Variants in DTX3L observed in about 807,000 individuals in gnomAD.
DTX3L encodes the protein E3 ubiquitin-protein ligase DTX3L.
A neutral mutation model predicts 60.9 loss-of-function variants in DTX3L; 34 were observed. The observed-to-expected ratio is 0.56, with a 90% CI of 0.42 to 0.74. The LOEUF (loss-of-function observed/expected upper bound fraction) is 0.74. Among genes scored for constraint, DTX3L ranks in the 30% least tolerant of loss-of-function variants. DTX3L has a pLI of 0.00. For synonymous variants in DTX3L, 290 were observed against 316.6 expected (o/e 0.92, Z 0.89); for missense variants, 810 against 874.0 (o/e 0.93, Z 0.92).
Position 122,569,378 on chromosome 3 carries a change from C to G in DTX3L, c.1289C>G (p.Ser430Cys), listed in dbSNP as rs1230413324. 6.2e-7 allele frequency: 1 copy of G among 1,614,018 alleles called. No individual in the cohort carries two copies. The highest frequency in any genetic ancestry group is 8.5e-7 in the Non-Finnish European group (1 of 1,180,036). ...TCCAAGGACAGGCAGGTAGATCTAT[C>G]TGTGCATGCTTATGCAAGTTTCATC... Reference protein sequence around the residue: ...FESKDRQVDLSVHAYASFIDA... With the variant: ...FESKDRQVDLCVHAYASFIDA... The change falls in exon 3 of 5, where the codon TCT becomes TGT. Residue 430 changes from serine (S) to cysteine (C), a missense_variant. Physicochemically the swap from Ser to Cys is moderately radical, Grantham distance 112. Transcript: ENST00000296161.
At position 122,569,840 on chromosome 3, in the gene DTX3L, C is replaced by G; in HGVS notation, c.1751C>G (p.Pro584Arg). The stretch of plus-strand genomic sequence containing the variant: ...AAGTGCAAGCATGAATTCTGCGCCC[C>G]TTGTATCAACAAAGCCATGTCATAT... Reference protein sequence around the residue: ...LPKCKHEFCAPCINKAMSYKP... With the variant: ...LPKCKHEFCARCINKAMSYKP... The change falls in exon 3 of 5, where the codon CCT becomes CGT. Residue 584 changes from proline to arginine, a missense_variant. Physicochemically the swap from Pro to Arg is moderately radical, Grantham distance 103. Transcript: ENST00000296161. 6.2e-7 allele frequency: 1 copy of G among 1,614,142 alleles called. No homozygotes were observed. Among genetic ancestry groups the G allele is most frequent in the Non-Finnish European group, 8.5e-7 (1 of 1,180,040 alleles).
chr3:122,567,856 G>C (rs1210286431), intron 2 of DTX3L, among the ~76,000 whole-genome samples: 1 of 152,184 alleles, frequency 6.6e-6, no homozygotes, highest in African/African-American at 2.4e-5. Context: ...GGAGCTTTTA[G>C]AAATGCTCAT....
rs1331248857 is a variant in DTX3L, at chr3:122,568,940, C to G, written c.851C>G (p.Ser284Ter). 1.2e-6 allele frequency: 2 copies of G among 1,614,086 alleles called. No homozygotes were observed. The highest frequency in any genetic ancestry group is 1.7e-6 in the Non-Finnish European group (2 of 1,180,028). ...MVCLDFTSSR[S>*]GDLEAARESF... is the part of the protein sequence containing the mutation. ...TGTTTAGATTTCACCTCAAGTCGATCAGGTGACCTGGAAGCAGCTCGTGAG... is the reference window on the plus strand; with the variant it reads ...TGTTTAGATTTCACCTCAAGTCGATGAGGTGACCTGGAAGCAGCTCGTGAG... The change falls in exon 3 of 5, where the codon TCA becomes TGA. Residue 284 changes from serine to a stop codon, truncating the protein, a stop_gained. Coordinates refer to ENST00000296161, the MANE Select transcript of DTX3L (RefSeq NM_138287.3). LOFTEE classifies it high-confidence loss of function.
At chr3:122,568,387 G>A (rs1418673539) in intron 2 of DTX3L, 102 bp from the exon 3 acceptor site, 2 of 675,764 alleles carry the variant, frequency 3.0e-6, no homozygotes, top group Non-Finnish European at 4.3e-6. Context: ...TGGGAAAGAT[G>A]TAGTGGTTGT....
Position 122,568,755 on chromosome 3 carries a change from T to C in DTX3L, c.666T>C (p.Pro222=). The change falls in exon 3 of 5, where the codon CCT becomes CCC. Residue 222 remains proline (P), a synonymous_variant. Transcript: ENST00000296161. ...SQQERDSCIS[P]SEPETKAEQK... ...AGGAGAGGGACAGCTGCATTTCTCC[T>C]TCTGAACCAGAAACCAAGGCAGAAC... 6.2e-7 allele frequency: 1 copy of C among 1,614,178 alleles called. No individual in the cohort carries two copies.
At position 122,568,909 on chromosome 3, in the gene DTX3L, A is replaced by G; in HGVS notation, c.820A>G (p.Met274Val). The G allele has an allele frequency of 1.2e-6, 2 of 1,614,122 alleles. No homozygotes were observed. Among genetic ancestry groups the G allele is most frequent in the South Asian group, 1.1e-5 (1 of 91,088 alleles). ...NIEIQESSPNMVCLDFTSSRS... is the reference protein window; with the variant it reads ...NIEIQESSPNVVCLDFTSSRS... ...TGAAATCCAGGAGAGTTCTCCAAAT[A>G]TGGTCTGTTTAGATTTCACCTCAAG... The change falls in exon 3 of 5, where the codon ATG becomes GTG. Residue 274 changes from methionine (M) to valine (V), a missense_variant. Physicochemically the swap from Met to Val is conservative, Grantham distance 21. Coordinates refer to ENST00000296161, the MANE Select transcript of DTX3L (RefSeq NM_138287.3).
chr3:122,570,499 A>T lies in DTX3L; in HGVS notation c.1980A>T (p.Arg660=), dbSNP rs1399474990. The change falls in exon 4 of 5, where the codon CGA becomes CGT. Residue 660 remains arginine (R), a synonymous_variant. Transcript: ENST00000296161. ...GAAAGAGATACCCTGGAATACAGCG[A>T]ACTGCATACTTGCCTGATAATAAGG... ...NPGKRYPGIQ[R]TAYLPDNKEG... is the part of the protein sequence containing the mutation. 1 of 1,614,174 alleles carries T rather than the reference A, an allele frequency of 6.2e-7. No individual in the cohort carries two copies. The highest frequency in any genetic ancestry group is 1.1e-5 in the South Asian group (1 of 91,084).
At chr3:122,570,103 T>C in intron 3 of DTX3L, 79 bp downstream of exon 3, 1 of 1,434,812 alleles carries the variant, frequency 7.0e-7, no homozygotes, top group Non-Finnish European at 9.7e-7. Flanking sequence ...CTGTTGCCTA[T>C]TAGACAATAG....
chr3:122,571,261 C>T (rs111348633), intron 4 of DTX3L, among the ~76,000 whole-genome samples: 3 of 152,032 alleles, frequency 2.0e-5, no homozygotes, highest in African/African-American at 7.2e-5. Context: ...CGATGCCCCC[C>T]TAAAACACAG....
intron 2 of DTX3L, among the ~76,000 whole-genome samples, chr3:122,566,482 T>G (rs2080592501): frequency 6.6e-6 from 1 of 151,594 alleles, no homozygotes; most frequent in African/African-American, 2.4e-5. Flanking sequence ...TCCTCTCACC[T>G]CAGTCTCCTG....
Position 122,567,755 on chromosome 3 carries a change from C to T in DTX3L, c.400-734C>T, listed in dbSNP as rs528006643. 2.0e-5 allele frequency among the ~76,000 whole-genome samples: 3 copies of T among 152,328 alleles called. No homozygotes were observed. In the East Asian group the frequency reaches 5.8e-4, roughly 29 times the overall value. The stretch of plus-strand genomic sequence containing the variant: ...CAAACTTTTGTGAGGGCCACAACAA[C>T]TTGCCCAGAGAGCACAGGTGCCTTC... On this transcript the variant is annotated intron_variant, in intron 2 of 4. Transcript: ENST00000296161.
rs577869024 is a variant in DTX3L, at chr3:122,570,306, G to A, written c.1936-149G>A. On this transcript the variant is annotated intron_variant, in intron 3 of 4. Transcript: ENST00000296161. ...TTTCCAGCATGAATTCAAGGAAAGAGGAGAAATATGAGTTATTGGGAATAT... is the reference window on the plus strand; with the variant it reads ...TTTCCAGCATGAATTCAAGGAAAGAAGAGAAATATGAGTTATTGGGAATAT... 6.2e-4 allele frequency: 528 copies of A among 844,862 alleles called. 8 individuals carry two copies. In the South Asian group the frequency reaches 8.8e-3, roughly 14 times the overall value. The allele number at this position is 844,862 out of a possible 1,614,324, so 52.3% of individuals were successfully genotyped here. A position where few individuals can be genotyped will look rare whatever the true frequency, so the allele number is the denominator to read the frequency against.
chr3:122,564,487 C>A lies in DTX3L; in HGVS notation c.61C>A (p.Arg21=), dbSNP rs1338346367. The A allele has an allele frequency of 6.2e-7, 1 of 1,612,848 alleles. No homozygotes were observed. The highest frequency in any genetic ancestry group is 2.2e-5 in the East Asian group (1 of 44,704). The change falls in exon 1 of 5, where the codon CGA becomes AGA. Residue 21 remains arginine (R), a synonymous_variant. Transcript: ENST00000296161. ...CGTGCGGGTGTACAAGTCCGGCCCCCGAGTACGAAGGAAGCTGGAGAGCTA... is the reference window on the plus strand; with the variant it reads ...CGTGCGGGTGTACAAGTCCGGCCCCAGAGTACGAAGGAAGCTGGAGAGCTA... ...LLVRVYKSGP[R]VRRKLESYFQ...
intron 1 of DTX3L, among the ~76,000 whole-genome samples, chr3:122,565,212 G>A (rs888065306): frequency 6.6e-6 from 1 of 151,966 alleles, no homozygotes; most frequent in Admixed American, 6.6e-5. Flanking sequence ...TGTATAATGA[G>A]TATTGAAATG....
rs1483428067 is a variant in DTX3L at position 122,574,716 on chromosome 3, C to T, written c.*2969C>T. 6.6e-6 allele frequency: 1 copy of T among 152,264 alleles called. No homozygotes were observed. Among genetic ancestry groups the T allele is most frequent in the Non-Finnish European group, 1.5e-5 (1 of 68,088 alleles). 9.4% of individuals were successfully genotyped at this position (152,264 alleles called of 1,614,324 possible). ...TAGTCTGCCCCCATAGCTCTGCCCC[C>T]CAGAGCTGTACTGTCTCCCATGAGG... On this transcript the variant is annotated 3_prime_UTR_variant, in exon 5 of 5. Transcript: ENST00000296161.
At chr3:122,571,479 G>A (rs2080645280) in intron 4 of DTX3L, among the ~76,000 whole-genome samples, 199 bp from the exon 5 acceptor site, 2 of 152,220 alleles carry the variant, frequency 1.3e-5, no homozygotes, top group South Asian at 4.1e-4. Flanking sequence ...AAAGGCAGAT[G>A]CTGGCCAGAC....
rs1343975069 is a variant in DTX3L, at chr3:122,572,933, G to T, written c.*1186G>T. 1 of 152,190 alleles carries T rather than the reference G, an allele frequency of 6.6e-6. No homozygotes were observed. The allele number at this position is 152,190 out of a possible 1,614,324, so 9.4% of individuals were successfully genotyped here. A position where few individuals can be genotyped will look rare whatever the true frequency, so the allele number is the denominator to read the frequency against. On this transcript the variant is annotated 3_prime_UTR_variant, in exon 5 of 5. Transcript: ENST00000296161. ...TAGTATATAGTTGGTGCCTGTCTTA[G>T]TCTGTTTGTGTTGCTATAAAAGAAC...
rs751754703 is a variant in DTX3L, at chr3:122,566,011, G to A, written c.340G>A (p.Gly114Ser). ...ACAATCACAAGCAGAAACACCGTCT[G>A]GTGATATGCATCAACATGAAGGACA... The part of the protein sequence containing the change: ...LTQSQAETPS[G>S]DMHQHEGHIP... The change falls in exon 2 of 5, where the codon GGT becomes AGT. Residue 114 changes from glycine (G) to serine (S), a missense_variant. Coordinates refer to ENST00000296161, the MANE Select transcript of DTX3L (RefSeq NM_138287.3). 2 of 1,614,140 alleles carry A rather than the reference G, an allele frequency of 1.2e-6. No homozygotes were observed. The highest frequency in any genetic ancestry group is 1.7e-6 in the Non-Finnish European group (2 of 1,180,030).
At position 122,572,887 on chromosome 3, in the gene DTX3L, C is replaced by G. The variant is rs1343602911; in HGVS notation, c.*1140C>G. 6.6e-6 allele frequency: 1 copy of G among 152,168 alleles called. No individual in the cohort carries two copies. Among genetic ancestry groups the G allele is most frequent in the Non-Finnish European group, 1.5e-5 (1 of 68,038 alleles). The allele number at this position is 152,168 out of a possible 1,614,324, so 9.4% of individuals were successfully genotyped here. ...AGCCACCACACCCACACAAGACTAT[C>G]ATTTTTAATGACCAAGAGCCTAGTA... is the stretch of plus-strand genomic sequence containing the variant. On this transcript the variant is annotated 3_prime_UTR_variant, in exon 5 of 5. Coordinates refer to ENST00000296161, the MANE Select transcript of DTX3L (RefSeq NM_138287.3).
Sources: gnomAD v4.1 joint callset for allele counts (sites outside exome capture counted in the v4.1 genomes callset) on GRCh38, gnomAD v4.1.1 for gene constraint, MANE v1.5 for transcripts, NCBI Gene and HGNC (gene_info 2026-07-23, HGNC 2026-07-21) for gene names.